CWC22: variants seen among roughly 807,000 people sequenced by gnomAD.
CWC22 encodes pre-mRNA-splicing factor CWC22 homolog.
Under a neutral mutation model 117.2 loss-of-function variants are expected in CWC22, and 53 were observed. The ratio of observed to expected loss-of-function variants is 0.45; its 90% confidence interval spans 0.36 to 0.57. CWC22 has a LOEUF of 0.57. Among genes scored for constraint, CWC22 ranks in the 20% least tolerant of loss-of-function variants. The pLI is 0.00. For synonymous variants in CWC22, 360 were observed against 355.6 expected (o/e 1.01, Z -0.14); for missense variants, 980 against 1,068.8 (o/e 0.92, Z 1.16).
At chr2:179,969,275 G>T (rs1686971770) in intron 11 of CWC22, among the ~76,000 whole-genome samples, 2 of 152,134 alleles carry the variant, frequency 1.3e-5, no homozygotes, top group African/African-American at 2.4e-5. Context: ...AGGCAAAATG[G>T]ATCTATGGAG....
intron 3 of CWC22, among the ~76,000 whole-genome samples, chr2:179,987,095 T>C (rs766762237): frequency 1.3e-5 from 2 of 152,198 alleles, no homozygotes; most frequent in Admixed American, 6.5e-5. Context: ...CTGGATATCA[T>C]ATATAGTTAG....
At chr2:179,971,935 G>T (rs1306782448) in intron 8 of CWC22, among the ~76,000 whole-genome samples, 1 of 152,154 alleles carries the variant, frequency 6.6e-6, no homozygotes, top group Non-Finnish European at 1.5e-5. Flanking sequence ...TTAGGTCAGT[G>T]ACAAGAAAAT....
chr2:179,988,921 T>C (rs1687490944), intron 2 of CWC22, among the ~76,000 whole-genome samples: 2 of 151,674 alleles, frequency 1.3e-5, no homozygotes, highest in African/African-American at 4.8e-5. Context: ...TTCTTTTTAT[T>C]TTATTTTTTA....
At chr2:179,983,712 CTGTATA>C (rs1687343252) in intron 4 of CWC22, among the ~76,000 whole-genome samples, 1 of 152,082 alleles carries the variant, frequency 6.6e-6, no homozygotes, top group African/African-American at 2.4e-5. Flanking sequence ...GATAGACAAT[CTGTATA>C]CACCAAGAGT....
chr2:179,991,890 C>T (rs978059797), intron 2 of CWC22, among the ~76,000 whole-genome samples: 6 of 152,148 alleles, frequency 3.9e-5, no homozygotes, highest in Non-Finnish European at 7.3e-5. Flanking sequence ...CTGTGAGCCC[C>T]CTGCCAAAAG....
intron 1 of CWC22, among the ~76,000 whole-genome samples, chr2:179,995,487 ACT>A (rs1337205284): frequency 6.6e-6 from 1 of 152,178 alleles, no homozygotes; most frequent in Non-Finnish European, 1.5e-5. Flanking sequence ...AGAGAATTAC[ACT>A]GTTTTCCTCT....
chr2:179,985,723 G>C (rs766533213), intron 4 of CWC22, among the ~76,000 whole-genome samples: 4 of 151,844 alleles, frequency 2.6e-5, no homozygotes, highest in Non-Finnish European at 5.9e-5. Flanking sequence ...TCTTATAATC[G>C]TTCTATTTTA....
chr2:179,979,839 C>T (rs964122653), intron 5 of CWC22, among the ~76,000 whole-genome samples: 5 of 152,176 alleles, frequency 3.3e-5, no homozygotes, highest in African/African-American at 1.2e-4. Flanking sequence ...CAATCACAAC[C>T]TATCTTATTA....
At chr2:179,997,955 A>G (rs1014300844) in intron 1 of CWC22, among the ~76,000 whole-genome samples, 6 of 152,180 alleles carry the variant, frequency 3.9e-5, no homozygotes, top group Non-Finnish European at 8.8e-5. Context: ...ATTAAACACA[A>G]CTTGAATCAA....
intron 2 of CWC22, among the ~76,000 whole-genome samples, chr2:179,992,072 T>C (rs573708218): frequency 6.6e-6 from 1 of 152,232 alleles, no homozygotes; most frequent in East Asian, 1.9e-4. Flanking sequence ...GCTTGCAATC[T>C]ACTGCTTCTC....
intron 2 of CWC22, among the ~76,000 whole-genome samples, chr2:179,990,538 G>GAGAT (rs1422158570): frequency 1.3e-5 from 1 of 77,256 alleles, no homozygotes; most frequent in Non-Finnish European, 2.5e-5. Context: ...GTGAGTGAGT[G>GAGAT]AGACAGACAG....
chr2:179,947,566 T>C (rs184131384), intron 19 of CWC22, among the ~76,000 whole-genome samples: 25 of 152,364 alleles, frequency 1.6e-4, no homozygotes, highest in African/African-American at 6.0e-4. Flanking sequence ...CAAGCTTCCT[T>C]ATTGCAGCAA....
In CWC22 at chr2:179,945,473, T is replaced by C. The variant is rs779864292; in HGVS notation, c.2383A>G (p.Asn795Asp). 6.2e-7 allele frequency: 1 copy of C among 1,613,018 alleles called. No homozygotes were observed. The highest frequency in any genetic ancestry group is 8.5e-7 in the Non-Finnish European group (1 of 1,179,288). ...TCATTCGCAACTCTACTGTAGTTAT[T>C]TCGTTCAGAAGGAACATCTTTGTCT... Reference protein sequence around the residue: ...TSDKDVPSERNNYSRVANDRD... With the variant: ...TSDKDVPSERDNYSRVANDRD... The change falls in exon 20 of 20, where the codon AAT becomes GAT. Residue 795 changes from asparagine to aspartate, a missense_variant. Coordinates refer to ENST00000410053, the MANE Select transcript of CWC22 (RefSeq NM_020943.3).
At chr2:179,956,515 T>C (rs1457370370) in intron 14 of CWC22, among the ~76,000 whole-genome samples, 1 of 151,270 alleles carries the variant, frequency 6.6e-6, no homozygotes, top group Admixed American at 6.6e-5. Context: ...AGGAACAATC[T>C]ACTCAAAGCT....
chr2:179,972,691 A>G (rs1263102590), intron 8 of CWC22, among the ~76,000 whole-genome samples: 1 of 152,162 alleles, frequency 6.6e-6, no homozygotes, highest in African/African-American at 2.4e-5. Context: ...TGTTTTGATC[A>G]GCATCAAAGT....
At chr2:180,001,980 T>C (rs1687859459) in intron 1 of CWC22, among the ~76,000 whole-genome samples, 1 of 152,230 alleles carries the variant, frequency 6.6e-6, no homozygotes, top group African/African-American at 2.4e-5. Context: ...ATAGTCCTTA[T>C]CTTTTCTTTC....
At chr2:179,973,101 C>A in intron 8 of CWC22, 92 bp downstream of exon 8, 2 of 667,860 alleles carry the variant, frequency 3.0e-6, no homozygotes, top group Non-Finnish European at 2.5e-6. Flanking sequence ...GACTATAAAG[C>A]AAAGCAAAAA....
chr2:179,945,515 T>C lies in CWC22; in HGVS notation c.2341A>G (p.Ile781Val), dbSNP rs367815566. Residue 781 changes from isoleucine (I) to valine (V), a missense_variant, in exon 20 of 20, where the codon ATA (isoleucine) becomes GTA (valine). Ile to Val is a conservative substitution (Grantham distance 29, BLOSUM62 3). Around this residue, in one of 3 missense-constraint regions of CWC22, gnomAD observed 306 missense variants for 296.8 expected, o/e 1.03. Transcript: ENST00000410053. ...NSSGSNWRDP[I>V]TKYTSDKDVP... The stretch of plus-strand genomic sequence containing the variant: ...TCTTTGTCTGATGTGTACTTTGTTA[T>C]AGGATCTCTCCAATTTGAACCACTT... 1.1e-5 allele frequency: 17 copies of C among 1,613,138 alleles called. No homozygotes were observed. The highest frequency in any genetic ancestry group is 1.4e-5 in the Non-Finnish European group (16 of 1,179,422).
intron 1 of CWC22, among the ~76,000 whole-genome samples, chr2:180,003,783 C>A (rs145977540): frequency 8.5e-4 from 129 of 152,324 alleles, no homozygotes; most frequent in African/African-American, 3.1e-3. Context: ...TCCTCCTCCC[C>A]ACTAGCTAAC....
Sources: gnomAD v4.1 joint callset for allele counts (sites outside exome capture counted in the v4.1 genomes callset) on GRCh38, gnomAD v4.1.1 for gene constraint, gnomAD v4.1.1 regional missense constraint, MANE v1.5 for transcripts, NCBI Gene and HGNC (gene_info 2026-07-23, HGNC 2026-07-21) for gene names.